Variants in SEPTIN11 observed in about 807,000 individuals in gnomAD.
SEPTIN11 encodes the protein septin 11.
In SEPTIN11, 25 loss-of-function variants were observed where a neutral mutation model predicts 51.4. That is an observed-to-expected ratio of 0.49 (90% confidence interval 0.35 to 0.68). The LOEUF (loss-of-function observed/expected upper bound fraction) is 0.68, where lower values mean the gene tolerates loss of function less well. Among genes scored for constraint, SEPTIN11 ranks in the 30% least tolerant of loss-of-function variants. The pLI, the probability that SEPTIN11 is intolerant of heterozygous loss-of-function variation, is 0.00. For synonymous variants in SEPTIN11, 174 were observed against 184.1 expected (o/e 0.95, Z 0.44); for missense variants, 381 against 520.8 (o/e 0.73, Z 2.61).
chr4:77,009,927 A>G (rs1724745981), intron 3 of SEPTIN11: 1 of 152,248 alleles, frequency 6.6e-6, no homozygotes, highest in Admixed American at 6.5e-5. Flanking sequence ...GGCTTGCTCT[A>G]CTTCCCTACT....
chr4:76,972,414 T>A (rs1722289433), intron 1 of SEPTIN11: 1 of 152,324 alleles, frequency 6.6e-6, no homozygotes, highest in East Asian at 1.9e-4. Flanking sequence ...TAGCAACTGC[T>A]AAGAAACACA....
At chr4:77,033,978 TC>T (rs1174009021) in intron 9 of SEPTIN11, among the ~76,000 whole-genome samples, 2 of 152,146 alleles carry the variant, frequency 1.3e-5, no homozygotes, top group African/African-American at 4.8e-5. Context: ...GTCCTTTTTT[TC>T]CCCCTACCCA....
intron 1 of SEPTIN11, among the ~76,000 whole-genome samples, chr4:76,961,404 G>T (rs187689792): frequency 6.6e-6 from 1 of 152,118 alleles, no homozygotes; most frequent in Admixed American, 6.6e-5. Context: ...CCCTATTTCC[G>T]CTACAAAACA....
intron 3 of SEPTIN11, among the ~76,000 whole-genome samples, chr4:77,008,273 C>T (rs1258342111): frequency 6.6e-6 from 1 of 152,170 alleles, no homozygotes; most frequent in Non-Finnish European, 1.5e-5. Flanking sequence ...GTTTGCCCCA[C>T]ACTGGGGAGA....
intron 2 of SEPTIN11, 44 bp from the exon 3 acceptor site, chr4:77,005,557 G>C (rs1478912981): frequency 2.6e-6 from 4 of 1,523,700 alleles, no homozygotes; most frequent in South Asian, 2.4e-5. Flanking sequence ...TGATGTCTGA[G>C]AGACATTGAC....
chr4:77,034,831 TA>T lies in SEPTIN11; in HGVS notation c.*323del. ...TCGCTTTGGACAGAGGAAAGTGGGGTAAAATGCTACCTGTACGTCTGACATG... is the reference window on the plus strand; with the variant it reads ...TCGCTTTGGACAGAGGAAAGTGGGGTAAATGCTACCTGTACGTCTGACATG... On this transcript the variant is annotated 3_prime_UTR_variant, in exon 10 of 10. Transcript: ENST00000264893. 2 of 1,057,042 alleles carry T rather than the reference TA, an allele frequency of 1.9e-6. No homozygotes were observed. Among genetic ancestry groups the T allele is most frequent in the Non-Finnish European group, 2.3e-6 (2 of 876,754 alleles). The allele number at this position is 1,057,042 out of a possible 1,614,324, so 65.5% of individuals were successfully genotyped here.
chr4:76,989,913 G>A (rs2109926977), intron 1 of SEPTIN11, among the ~76,000 whole-genome samples: 1 of 152,270 alleles, frequency 6.6e-6, no homozygotes, highest in South Asian at 2.1e-4. Context: ...TTGTGGTCTT[G>A]CTGACTTCAA....
chr4:76,951,716 A>G (rs1451961994), intron 1 of SEPTIN11, among the ~76,000 whole-genome samples: 1 of 152,246 alleles, frequency 6.6e-6, no homozygotes, highest in East Asian at 1.9e-4. Flanking sequence ...GAGGTGGAAG[A>G]AATAATTAGC....
Position 77,014,954 on chromosome 4 carries a change from G to A in SEPTIN11, c.624G>A (p.Gly208=). Residue 208 remains glycine, a synonymous_variant, in exon 5 of 10, where the codon GGG becomes GGA. Coordinates refer to ENST00000264893, the MANE Select transcript of SEPTIN11 (RefSeq NM_018243.4). ...TCATGAGTGAACTGGTCAGCAATGG[G>A]GTCCAGATATATCAGTTTCCCACTG... ...SKIMSELVSN[G]VQIYQFPTDE... 1 of 1,614,082 alleles carries A rather than the reference G, an allele frequency of 6.2e-7. No individual in the cohort carries two copies. Among genetic ancestry groups the A allele is most frequent in the Non-Finnish European group, 8.5e-7 (1 of 1,179,982 alleles).
intron 6 of SEPTIN11, 145 bp downstream of exon 6, chr4:77,019,406 C>G: frequency 1.7e-6 from 1 of 581,164 alleles, no homozygotes; most frequent in Non-Finnish European, 2.9e-6. Context: ...ATGTGACAAT[C>G]GTGGAGGTGA....
chr4:77,012,096 TAAAAC>T (rs35969393), intron 4 of SEPTIN11, among the ~76,000 whole-genome samples, 175 bp downstream of exon 4: 9,240 of 92,562 alleles, frequency 0.1, 499 homozygotes, highest in African/African-American at 0.22. Context: ...AAAAATAAAA[TAAAAC>T]AAAACAAAAC....
intron 1 of SEPTIN11, among the ~76,000 whole-genome samples, chr4:76,967,895 A>C (rs980333513): frequency 6.6e-6 from 1 of 152,202 alleles, no homozygotes; most frequent in Non-Finnish European, 1.5e-5. Context: ...GGACAACATC[A>C]ACATTTTTGA....
At chr4:76,982,199 C>G (rs1252077872) in intron 1 of SEPTIN11, among the ~76,000 whole-genome samples, 2 of 151,654 alleles carry the variant, frequency 1.3e-5, no homozygotes, top group Non-Finnish European at 2.9e-5. Flanking sequence ...TCCCTTTCTG[C>G]AACTATTCAA....
chr4:77,002,407 T>G (rs182181245), intron 2 of SEPTIN11, among the ~76,000 whole-genome samples: 28 of 152,336 alleles, frequency 1.8e-4, no homozygotes, highest in African/African-American at 6.7e-4. Context: ...TTTATTGCTA[T>G]TCTTAGGGAA....
chr4:76,950,245 C>G (rs1198149385), intron 1 of SEPTIN11, among the ~76,000 whole-genome samples: 1 of 152,130 alleles, frequency 6.6e-6, no homozygotes, highest in Non-Finnish European at 1.5e-5. Flanking sequence ...TCCCTCTGCC[C>G]GCGCACCTCT....
chr4:77,034,449 TAATTTA>T, intron 9 of SEPTIN11, 42 bp from the exon 10 acceptor site: 1 of 1,450,008 alleles, frequency 6.9e-7, no homozygotes, highest in Non-Finnish European at 9.2e-7. Context: ...CCTTTCTTTT[TAATTTA>T]TTATTATTTC....
At chr4:76,958,795 TA>T in intron 1 of SEPTIN11, 1 of 1,043,810 alleles carries the variant, frequency 9.6e-7, no homozygotes, top group Non-Finnish European at 1.4e-6. Flanking sequence ...ATGTTTTTTG[TA>T]AATTAAAAAA....
intron 1 of SEPTIN11, among the ~76,000 whole-genome samples, chr4:76,970,306 G>A (rs1019283214): frequency 3.3e-5 from 5 of 152,120 alleles, no homozygotes; most frequent in South Asian, 2.1e-4. Context: ...TAGTTTTCAC[G>A]CCTTATTAAT....
At chr4:77,016,441 GA>G (rs1036289837) in intron 5 of SEPTIN11, among the ~76,000 whole-genome samples, 15 of 128,494 alleles carry the variant, frequency 1.2e-4, no homozygotes, top group East Asian at 4.4e-4. Flanking sequence ...AAGATATTTG[GA>G]AAAAAAAAAT....
Sources: gnomAD v4.1 joint callset for allele counts (sites outside exome capture counted in the v4.1 genomes callset) on GRCh38, gnomAD v4.1.1 for gene constraint, MANE v1.5 for transcripts, NCBI Gene and HGNC (gene_info 2026-07-23, HGNC 2026-07-21) for gene names.